Variants in RAB5C observed in about 807,000 individuals in gnomAD.
RAB5C encodes ras-related protein Rab-5C.
Under a neutral mutation model 25.2 loss-of-function variants are expected in RAB5C, and 4 were observed. The observed-to-expected ratio is 0.16, with a 90% CI of 0.08 to 0.36. The LOEUF is 0.36. Ranked by LOEUF, RAB5C falls within the 10% of genes least tolerant of loss-of-function variation. RAB5C has a pLI of 1.00. For synonymous variants in RAB5C, 100 were observed against 106.4 expected, an observed-to-expected ratio of 0.94 and a Z score of 0.37; for missense variants, 199 against 283.8, an observed-to-expected ratio of 0.70 and a Z score of 2.15.
chr17:42,145,403 T>G (rs2079629766), intron 1 of RAB5C, among the ~76,000 whole-genome samples: 1 of 152,092 alleles, frequency 6.6e-6, no homozygotes, highest in South Asian at 2.1e-4. Flanking sequence ...TGGAAAGGCT[T>G]GTGGATTGTA....
At chr17:42,148,544 A>G (rs186432208) in intron 1 of RAB5C, among the ~76,000 whole-genome samples, 31 of 152,322 alleles carry the variant, frequency 2.0e-4, no homozygotes, top group African/African-American at 7.5e-4. Context: ...CTAAACACAC[A>G]AAGATCAAAC....
intron 1 of RAB5C, among the ~76,000 whole-genome samples, chr17:42,152,925 C>G (rs1367604949): frequency 6.6e-6 from 1 of 152,224 alleles, no homozygotes; most frequent in Non-Finnish European, 1.5e-5. Flanking sequence ...AGACCTAAGT[C>G]TGGTCAGAGA....
intron 4 of RAB5C, 74 bp downstream of exon 4, chr17:42,128,187 C>A: frequency 6.5e-7 from 1 of 1,544,814 alleles, no homozygotes; most frequent in African/African-American, 1.4e-5. Context: ...CTTCCCAAAG[C>A]CCCTGAGCAT....
At chr17:42,126,662 T>TGG in intron 5 of RAB5C, 93 bp downstream of exon 5, 1 of 298,364 alleles carries the variant, frequency 3.4e-6, no homozygotes, top group Non-Finnish European at 5.8e-6. Context: ...AAAAAAAGAG[T>TGG]GGTGAAGGGA....
intron 4 of RAB5C, 57 bp downstream of exon 4, chr17:42,128,204 C>G (rs552329191): frequency 3.2e-5 from 51 of 1,570,090 alleles, no homozygotes; most frequent in Non-Finnish European, 4.4e-5. Context: ...GCATCCCAGG[C>G]GAGGCCGGGG....
intron 1 of RAB5C, among the ~76,000 whole-genome samples, chr17:42,145,040 C>T (rs1320998526): frequency 5.3e-5 from 7 of 131,738 alleles, no homozygotes; most frequent in Non-Finnish European, 8.0e-5. Flanking sequence ...TGGCGCGCGC[C>T]TATAGGCCTG....
At chr17:42,128,211 G>A (rs754545754) in intron 4 of RAB5C, 50 bp downstream of exon 4, 31 of 1,573,986 alleles carry the variant, frequency 2.0e-5, no homozygotes, top group Middle Eastern at 1.8e-4. Context: ...AGGCGAGGCC[G>A]GGGGGAGCTG....
chr17:42,135,702 C>T (rs535559576), intron 1 of RAB5C, among the ~76,000 whole-genome samples: 1 of 152,328 alleles, frequency 6.6e-6, no homozygotes, highest in South Asian at 2.1e-4. Flanking sequence ...TGCAATTCCT[C>T]CCCCTAACCT....
intron 1 of RAB5C, among the ~76,000 whole-genome samples, chr17:42,151,769 T>C (rs2079673226): frequency 6.6e-6 from 1 of 152,182 alleles, no homozygotes; most frequent in Non-Finnish European, 1.5e-5. Flanking sequence ...TGAAGAGTAC[T>C]GACTTGGGAC....
intron 1 of RAB5C, among the ~76,000 whole-genome samples, chr17:42,148,009 A>T (rs1284296449): frequency 1.3e-5 from 2 of 152,154 alleles, no homozygotes; most frequent in African/African-American, 4.8e-5. Context: ...GAGGCAGGAG[A>T]ATCTCTTTAA....
chr17:42,138,183 G>A (rs1171535357), intron 1 of RAB5C, among the ~76,000 whole-genome samples: 1 of 152,156 alleles, frequency 6.6e-6, no homozygotes, highest in Non-Finnish European at 1.5e-5. Flanking sequence ...CCAGTCTAGA[G>A]TATATCTGCA....
chr17:42,140,528 T>A (rs1332665583), intron 1 of RAB5C, among the ~76,000 whole-genome samples: 59 of 107,954 alleles, frequency 5.5e-4, no homozygotes, highest in African/African-American at 2.4e-3. Context: ...TTTTTTTTTT[T>A]TTTTTTTTTT....
chr17:42,126,992 G>A (rs1450140597), intron 4 of RAB5C, 144 bp from the exon 5 acceptor site: 1 of 503,898 alleles, frequency 2.0e-6, no homozygotes. Flanking sequence ...TCAGGCCTAA[G>A]GCTGCCCTGA....
rs1419852677 is a variant in RAB5C, at chr17:42,128,367, G to C, written c.335C>G (p.Ala112Gly). 24 of 1,613,760 alleles carry C rather than the reference G, an allele frequency of 1.5e-5. No homozygotes were observed. Among genetic ancestry groups the C allele is most frequent in the Admixed American group, 3.3e-5 (2 of 59,976 alleles). ...CTGTAGCTCCTTCACCCAGTTCTTG[G>C]CCCGTGCAAATGTATCCTGAGGAGA... ...DITNTDTFAR[A>G]KNWVKELQRQ... is the part of the protein sequence containing the mutation. Residue 112 changes from alanine to glycine, a missense_variant, in exon 4 of 6, where the codon GCC becomes GGC. By Grantham distance (60) the Ala-to-Gly change is moderately conservative (BLOSUM62 0). Transcript: ENST00000346213.
rs1187836976 is a variant in RAB5C, at chr17:42,140,503, ATATATATATATATTTTTTTTTTT to A, written c.-88-9936_-88-9914del. 1.7e-3 allele frequency among the ~76,000 whole-genome samples: 84 copies of A among 50,614 alleles called. 1 individual carries two copies. The highest frequency in any genetic ancestry group is 7.3e-3 in the African/African-American group (78 of 10,622). The allele number at this position is 50,614 out of a possible 152,430, so 33.2% of individuals were successfully genotyped here. A position where few individuals can be genotyped will look rare whatever the true frequency, so the allele number is the denominator to read the frequency against. ...TTTTAGAATATATATATATATATAT[ATATATATATATATTTTTTTTTTT>A]TTTTTTTTTTTTTTTGAGATGGAGT... On this transcript the variant is annotated intron_variant, in intron 1 of 5. Coordinates refer to ENST00000346213, the MANE Select transcript of RAB5C (RefSeq NM_004583.4).
rs567179478 is a variant in RAB5C, at chr17:42,139,654, GT to G, written c.-88-9065del. Among the ~76,000 whole-genome samples the G allele has an allele frequency of 9.0e-4, 137 of 152,264 alleles. 4 individuals are homozygous for G. In the South Asian group the frequency reaches 0.025, roughly 27 times the overall value. ...TTTTGTATTTTTTAGTAGAGATGGGGTTTCACCATGTTAGTCAGGATGGTCT... is the reference window on the plus strand; with the variant it reads ...TTTTGTATTTTTTAGTAGAGATGGGGTTCACCATGTTAGTCAGGATGGTCT... On this transcript the variant is annotated intron_variant, in intron 1 of 5. Transcript: ENST00000346213.
At chr17:42,154,400 A>AGC (rs2079692836) in intron 1 of RAB5C, among the ~76,000 whole-genome samples, 1 of 152,150 alleles carries the variant, frequency 6.6e-6, no homozygotes, top group Non-Finnish European at 1.5e-5. Context: ...GAGTTGCGGG[A>AGC]GCGCACACAC....
intron 1 of RAB5C, among the ~76,000 whole-genome samples, chr17:42,147,010 AAGAAAGAC>A (rs1464559086): frequency 2.1e-3 from 178 of 84,544 alleles, no homozygotes; most frequent in African/African-American, 0.019. Context: ...GAAAGAAAGA[AAGAAAGAC>A]AGAAAGAAAG....
intron 1 of RAB5C, among the ~76,000 whole-genome samples, chr17:42,154,383 A>C (rs2079692647): frequency 6.6e-6 from 1 of 152,092 alleles, no homozygotes; most frequent in African/African-American, 2.4e-5. Flanking sequence ...GAAAGAGAGG[A>C]AGTAAGGAGT....
Sources: allele counts gnomAD v4.1 joint callset (sites outside exome capture counted in the v4.1 genomes callset), GRCh38; gene constraint gnomAD v4.1.1; transcripts MANE v1.5; gene names NCBI Gene and HGNC (gene_info 2026-07-23, HGNC 2026-07-21).